Variants in TEX14 observed in about 807,000 individuals in gnomAD.
TEX14 encodes inactive serine/threonine-protein kinase TEX14.
In TEX14, 168 loss-of-function variants were observed where a neutral mutation model predicts 178.6. The ratio of observed to expected loss-of-function variants is 0.94; its 90% CI spans 0.83 to 1.07. The LOEUF is 1.07. Ranked by LOEUF, TEX14 falls within the 50% of genes least tolerant of loss-of-function variation. The pLI is 0.00. For missense variants in TEX14, 1,730 were observed against 1,753.6 expected, an observed-to-expected ratio of 0.99 and a Z score of 0.24; for synonymous variants, 626 against 634.1, an observed-to-expected ratio of 0.99 and a Z score of 0.19.
chr17:58,661,569 G>A (rs765388164), intron 1 of TEX14: 2 of 739,778 alleles, frequency 2.7e-6, no homozygotes, highest in South Asian at 2.9e-5. Context: ...AGCCGCGGCG[G>A]CGGCAGGAAC....
At chr17:58,660,503 G>A (rs922415765) in intron 1 of TEX14, 2 of 706,466 alleles carry the variant, frequency 2.8e-6, no homozygotes, top group African/African-American at 3.5e-5. Context: ...GGGGAGCTCA[G>A]GGAGGGGAAG....
At chr17:58,630,119 C>T (rs2046252479) in intron 3 of TEX14, among the ~76,000 whole-genome samples, 1 of 151,302 alleles carries the variant, frequency 6.6e-6, no homozygotes, top group African/African-American at 2.4e-5. Context: ...TACAATGGCG[C>T]GATCTCGGCT....
At chr17:58,630,398 G>GT in intron 3 of TEX14, 42 bp downstream of exon 3, 1 of 1,426,286 alleles carries the variant, frequency 7.0e-7, no homozygotes, top group African/African-American at 1.4e-5. Flanking sequence ...CATCTTAACA[G>GT]CACAACCCCT....
chr17:58,576,276 A>C (rs1443002105), intron 21 of TEX14, among the ~76,000 whole-genome samples: 1 of 152,238 alleles, frequency 6.6e-6, no homozygotes, highest in Non-Finnish European at 1.5e-5. Flanking sequence ...ACCTGAGGTC[A>C]AGAGTTCGAG....
intron 11 of TEX14, among the ~76,000 whole-genome samples, chr17:58,604,388 T>C (rs1169483282): frequency 1.3e-5 from 2 of 150,968 alleles, no homozygotes; most frequent in East Asian, 4.0e-4. Context: ...GAAGAATCGC[T>C]TGGACCCGGG....
At chr17:58,608,340 C>G (rs1007889803) in intron 10 of TEX14, among the ~76,000 whole-genome samples, 4 of 151,874 alleles carry the variant, frequency 2.6e-5, no homozygotes, top group Non-Finnish European at 4.4e-5. Flanking sequence ...TGGCGAGAAC[C>G]CAGGAGGCGG....
At chr17:58,561,875 T>C (rs546423663) in intron 28 of TEX14, among the ~76,000 whole-genome samples, 67 of 152,026 alleles carry the variant, frequency 4.4e-4, no homozygotes, top group African/African-American at 1.5e-3. Flanking sequence ...CACCTGAGGT[T>C]AGGAGTTTGA....
intron 7 of TEX14, among the ~76,000 whole-genome samples, chr17:58,615,902 A>G (rs1053988372): frequency 7.2e-5 from 11 of 152,344 alleles, no homozygotes; most frequent in African/African-American, 2.6e-4. Flanking sequence ...TGGTTGTCAC[A>G]GCTGTGGGGG....
intron 2 of TEX14, chr17:58,631,198 A>C: frequency 1.0e-6 from 1 of 964,870 alleles, no homozygotes; most frequent in Non-Finnish European, 1.2e-6. Context: ...GCAGTGGCTC[A>C]CGCCTGTAAT....
chr17:58,661,292 T>G (rs761310860), intron 1 of TEX14: 8 of 812,382 alleles, frequency 9.8e-6, no homozygotes, highest in Non-Finnish European at 4.5e-6. Flanking sequence ...CTGCTGCAAA[T>G]GATCTAGACG....
At chr17:58,587,436 AAATAT>A (rs2045004046) in intron 17 of TEX14, 140 bp downstream of exon 17, 1 of 509,314 alleles carries the variant, frequency 2.0e-6, no homozygotes, top group Admixed American at 4.0e-5. Context: ...TTTTAAAATG[AAATAT>A]AATAAAAGAA....
chr17:58,603,355 A>G (rs532485188), intron 11 of TEX14, among the ~76,000 whole-genome samples: 8 of 150,246 alleles, frequency 5.3e-5, no homozygotes, highest in African/African-American at 2.0e-4. Context: ...AGAGGTTGAA[A>G]CCAGCCTGGC....
chr17:58,644,734 C>T (rs965883660), intron 2 of TEX14, among the ~76,000 whole-genome samples: 3 of 149,894 alleles, frequency 2.0e-5, no homozygotes, highest in African/African-American at 4.9e-5. Flanking sequence ...CTCCGCCCCC[C>T]CTGGTTCAAG....
chr17:58,664,156 G>A (rs1282810245), intron 1 of TEX14, among the ~76,000 whole-genome samples: 2 of 152,166 alleles, frequency 1.3e-5, no homozygotes, highest in African/African-American at 2.4e-5. Context: ...AGCCCACCTC[G>A]GTTATACTAT....
At chr17:58,604,668 T>C (rs177354) in intron 11 of TEX14, among the ~76,000 whole-genome samples, 95,144 of 149,440 alleles carry the variant, frequency 0.64, 30,626 homozygotes, top group African/African-American at 0.71. Flanking sequence ...TCAAGTGATT[T>C]TCCTGCCTCA....
At chr17:58,687,331 C>T (rs2047618769) in intron 1 of TEX14, among the ~76,000 whole-genome samples, 1 of 152,060 alleles carries the variant, frequency 6.6e-6, no homozygotes, top group African/African-American at 2.4e-5. Context: ...AGCTCAGGGC[C>T]CTTGTCCACT....
At chr17:58,621,482 G>T (rs1321662003) in intron 5 of TEX14, among the ~76,000 whole-genome samples, 168 bp downstream of exon 5, 2 of 152,134 alleles carry the variant, frequency 1.3e-5, no homozygotes, top group Non-Finnish European at 2.9e-5. Context: ...TGATCCTCTG[G>T]CCTTCCTTCA....
chr17:58,634,449 T>C (rs2046388961), intron 2 of TEX14, among the ~76,000 whole-genome samples: 1 of 151,884 alleles, frequency 6.6e-6, no homozygotes, highest in Non-Finnish European at 1.5e-5. Context: ...AAAGAAACAG[T>C]GTTCATGGTG....
At chr17:58,603,262 A>T (rs2045510277) in intron 11 of TEX14, among the ~76,000 whole-genome samples, 1 of 149,388 alleles carries the variant, frequency 6.7e-6, no homozygotes, top group Admixed American at 6.7e-5. Flanking sequence ...CACCATAAAA[A>T]AGCAGCCCTT....
Sources: gnomAD v4.1 joint callset for allele counts (sites outside exome capture counted in the v4.1 genomes callset) on GRCh38, gnomAD v4.1.1 for gene constraint, MANE v1.5 for transcripts, NCBI Gene and HGNC (gene_info 2026-07-23, HGNC 2026-07-21) for gene names.